The following TNKS variants were observed in gnomAD, a reference collection of about 807,000 sequenced individuals.
TNKS encodes the protein tankyrase, also known as poly [ADP-ribose] polymerase tankyrase-1.
In TNKS, 72 loss-of-function variants were observed where a neutral mutation model predicts 135.8. The observed-to-expected ratio is 0.53, with a 90% CI of 0.44 to 0.64. The LOEUF (loss-of-function observed/expected upper bound fraction) is 0.64, where lower values mean the gene tolerates loss of function less well. Among genes scored for constraint, TNKS ranks in the 30% least tolerant of loss-of-function variants. The pLI, the probability that TNKS is intolerant of heterozygous loss-of-function variation, is 0.00. For synonymous variants in TNKS, 849 were observed against 649.3 expected, an observed-to-expected ratio of 1.31 and a Z score of -4.68; for missense variants, 1,769 against 1,674.0, an observed-to-expected ratio of 1.06 and a Z score of -0.99.
In TNKS at chr8:9,556,317, C is replaced by T; in HGVS notation, c.378C>T (p.Asn126=). Residue 126 remains asparagine (N), a synonymous_variant, in exon 1 of 27, where the codon AAC becomes AAT. Transcript: ENST00000310430. Reference sequence around the variant, plus strand: ...CCAACCCAGCCGGCAGTGGCAGTAACAATTCACCGTCGTCCTCTTCTTCCC... The same window carrying T: ...CCAACCCAGCCGGCAGTGGCAGTAATAATTCACCGTCGTCCTCTTCTTCCC... The part of the protein sequence containing the change: ...VAPNPAGSGS[N]NSPSSSSSPT... 1 of 1,614,256 alleles carries T rather than the reference C, an allele frequency of 6.2e-7. No homozygotes were observed. The highest frequency in any genetic ancestry group is 1.1e-5 in the South Asian group (1 of 91,092).
At chr8:9,707,293 A>G (rs1478032168) in intron 8 of TNKS, among the ~76,000 whole-genome samples, 3 of 152,220 alleles carry the variant, frequency 2.0e-5, no homozygotes, top group Non-Finnish European at 4.4e-5. Flanking sequence ...GATACTTGCA[A>G]TGTGGCAGGC....
chr8:9,658,544 T>C, intron 3 of TNKS: 1 of 377,744 alleles, frequency 2.6e-6, no homozygotes, highest in South Asian at 4.3e-5. Context: ...TGAGAGATTT[T>C]GTCACCACCA....
intron 9 of TNKS, among the ~76,000 whole-genome samples, chr8:9,708,838 C>A (rs1353791411): frequency 1.3e-5 from 2 of 151,600 alleles, no homozygotes; most frequent in Non-Finnish European, 2.9e-5. Flanking sequence ...TACTAGATTT[C>A]CTTCTGTAGA....
rs758542781 is a variant in TNKS, at chr8:9,680,763, C to T, written c.1070C>T (p.Pro357Leu). 6 of 1,611,978 alleles carry T rather than the reference C, an allele frequency of 3.7e-6. No homozygotes were observed. The highest frequency in any genetic ancestry group is 4.2e-6 in the Non-Finnish European group (5 of 1,178,884). Residue 357 changes from proline (P) to leucine (L), a missense_variant, in exon 5 of 27, where the codon CCT (proline) becomes CTT (leucine). Physicochemically the swap from Pro to Leu is moderately conservative, Grantham distance 98 (BLOSUM62 -3). Coordinates refer to ENST00000310430, the MANE Select transcript of TNKS (RefSeq NM_003747.3). ...GAAAAACTAATGGCTTTACTGACTC[C>T]TCTAAATGTGAATTGCCATGCAAGT... The part of the protein sequence containing the change: ...NEEKLMALLT[P>L]LNVNCHASDG...
At chr8:9,689,975 A>T (rs978213504) in intron 5 of TNKS, among the ~76,000 whole-genome samples, 3 of 152,260 alleles carry the variant, frequency 2.0e-5, no homozygotes, top group Admixed American at 6.5e-5. Flanking sequence ...TGAAAATATT[A>T]GTTACAAAAA....
At chr8:9,713,135 A>T (rs1804421537) in intron 11 of TNKS, among the ~76,000 whole-genome samples, 1 of 152,146 alleles carries the variant, frequency 6.6e-6, no homozygotes, top group African/African-American at 2.4e-5. Flanking sequence ...AAATGAAGAC[A>T]AAGTGGAATA....
intron 11 of TNKS, 177 bp downstream of exon 11, chr8:9,710,397 A>T: frequency 1.6e-6 from 1 of 633,078 alleles, no homozygotes. Flanking sequence ...TCTAATAAAA[A>T]TAATTACCCG....
At chr8:9,566,062 A>C (rs1193953582) in intron 1 of TNKS, among the ~76,000 whole-genome samples, 1 of 152,172 alleles carries the variant, frequency 6.6e-6, no homozygotes, top group Non-Finnish European at 1.5e-5. Context: ...TCAACCGTAG[A>C]AACCATTTTG....
chr8:9,754,019 C>T (rs767897532), intron 20 of TNKS, among the ~76,000 whole-genome samples: 5 of 152,322 alleles, frequency 3.3e-5, no homozygotes, highest in Admixed American at 1.3e-4. Context: ...GTCTCTGCAT[C>T]CATCTTCACA....
At chr8:9,654,949 A>G (rs561575272) in intron 3 of TNKS, among the ~76,000 whole-genome samples, 1 of 152,354 alleles carries the variant, frequency 6.6e-6, no homozygotes, top group South Asian at 2.1e-4. Flanking sequence ...AGGGTGAGGC[A>G]TCGCCTCACC....
chr8:9,775,459 C>CTATA lies in TNKS; in HGVS notation c.3898-1149_3898-1146dup, dbSNP rs59789406. Among the ~76,000 whole-genome samples the CTATA allele has an allele frequency of 6.2e-3, 498 of 80,510 alleles. 12 individuals are homozygous for CTATA. The highest frequency in any genetic ancestry group is 8.7e-3 in the African/African-American group (206 of 23,614). The allele number at this position is 80,510 out of a possible 152,430, so 52.8% of individuals were successfully genotyped here. A position where few individuals can be genotyped will look rare whatever the true frequency, so the allele number is the denominator to read the frequency against. Reference sequence around the variant, plus strand: ...ACGGAAAAGAATATTATGAATGGTTCTATATATATATATATATATATATAT... The same window carrying CTATA: ...ACGGAAAAGAATATTATGAATGGTTCTATATATATATATATATATATATATATAT... On this transcript the variant is annotated intron_variant, in intron 26 of 26. Transcript: ENST00000310430.
chr8:9,623,460 AGTGCT>A (rs1554452037), intron 3 of TNKS, among the ~76,000 whole-genome samples: 2 of 144,228 alleles, frequency 1.4e-5, no homozygotes, highest in Non-Finnish European at 3.0e-5. Context: ...TTGGTTTCCT[AGTGCT>A]TTTGAAAGTT....
At chr8:9,603,298 G>T (rs993555905) in intron 2 of TNKS, among the ~76,000 whole-genome samples, 1 of 151,818 alleles carries the variant, frequency 6.6e-6, no homozygotes, top group Non-Finnish European at 1.5e-5. Flanking sequence ...GAAGTGATCC[G>T]CCCGCCTTGG....
rs188460847 is a variant in TNKS, at chr8:9,729,893, C to T, written c.2002-997C>T. ...GGTTCAAGCAATTCTCCTGCCTCAG[C>T]CTCCCAGCGAGTAGCTGGGACTACA... On this transcript the variant is annotated intron_variant, in intron 13 of 26. Transcript: ENST00000310430. Among the ~76,000 whole-genome samples, 713 of 150,352 alleles carry T rather than the reference C, an allele frequency of 4.7e-3. 5 individuals carry two copies. Among genetic ancestry groups the T allele is most frequent in the Middle Eastern group, 0.017 (5 of 292 alleles).
At chr8:9,758,003 C>A (rs1234122486) in intron 20 of TNKS, among the ~76,000 whole-genome samples, 1 of 152,158 alleles carries the variant, frequency 6.6e-6, no homozygotes, top group Non-Finnish European at 1.5e-5. Context: ...TCATGTCCAC[C>A]TTCTAGTCAT....
chr8:9,733,460 A>G lies in TNKS; in HGVS notation c.2313+16A>G. ...CCTTTTAAAAGTATGTAGTTTAAAA[A>G]GTTATGAAATATAACTAATTTTATT... On this transcript the variant is annotated intron_variant, in intron 15 of 26. Coordinates refer to ENST00000310430, the MANE Select transcript of TNKS (RefSeq NM_003747.3). The G allele has an allele frequency of 6.3e-7, 1 of 1,598,766 alleles. No homozygotes were observed. Among genetic ancestry groups the G allele is most frequent in the Non-Finnish European group, 8.5e-7 (1 of 1,171,816 alleles).
intron 18 of TNKS, among the ~76,000 whole-genome samples, chr8:9,750,958 A>G (rs1441445607): frequency 6.6e-6 from 1 of 152,248 alleles, no homozygotes; most frequent in Non-Finnish European, 1.5e-5. Context: ...AGAGAGTAAA[A>G]GTAGACACTG....
At chr8:9,677,812 C>G (rs1476755191) in intron 3 of TNKS, among the ~76,000 whole-genome samples, 2 of 152,132 alleles carry the variant, frequency 1.3e-5, no homozygotes, top group Non-Finnish European at 1.5e-5. Context: ...CATACCCATT[C>G]CCCTGTGAGT....
At chr8:9,769,619 T>G (rs1259097762) in intron 25 of TNKS, among the ~76,000 whole-genome samples, 1 of 134,594 alleles carries the variant, frequency 7.4e-6, no homozygotes, top group South Asian at 2.5e-4. Context: ...TTTCTTTTTT[T>G]TTTTTTTTTT....
Sources: allele counts gnomAD v4.1 joint callset (sites outside exome capture counted in the v4.1 genomes callset), GRCh38; gene constraint gnomAD v4.1.1; transcripts MANE v1.5; gene names NCBI Gene and HGNC (gene_info 2026-07-23, HGNC 2026-07-21).